Variants in LAMA2 observed in about 807,000 individuals in gnomAD.
LAMA2 encodes the protein laminin subunit alpha-2.
Under a neutral mutation model 364.8 loss-of-function variants are expected in LAMA2, and 269 were observed. The ratio of observed to expected loss-of-function variants is 0.74; its 90% CI spans 0.67 to 0.82. The LOEUF (loss-of-function observed/expected upper bound fraction) is 0.82, where lower values mean the gene tolerates loss of function less well. LAMA2 is among the 40% of genes least tolerant of loss of function. LAMA2 has a pLI of 0.00. For synonymous variants in LAMA2, 1,379 were observed against 1,370.6 expected (o/e 1.01, Z -0.14); for missense variants, 3,807 against 3,873.2 (o/e 0.98, Z 0.45).
chr6:129,486,515 G>A lies in LAMA2; in HGVS notation c.7791G>A (p.Val2597=), dbSNP rs2114848916. The A allele has an allele frequency of 8.1e-6, 13 of 1,613,822 alleles. No individual in the cohort carries two copies. The highest frequency in any genetic ancestry group is 9.3e-6 in the Non-Finnish European group (11 of 1,179,798). The stretch of plus-strand genomic sequence containing the variant: ...TCCTCAACAGGGGCCGTCTGGAAGT[G>A]CATCTCTCCACAGGGGCACGAACAA... ...AILLNRGRLE[V]HLSTGARTMR... is the part of the protein sequence containing the mutation. Residue 2597 remains valine (V), a synonymous_variant, in exon 56 of 65, where the codon GTG becomes GTA. Transcript: ENST00000421865.
At chr6:129,433,772 A>T (rs1298550589) in intron 41 of LAMA2, among the ~76,000 whole-genome samples, 1 of 152,192 alleles carries the variant, frequency 6.6e-6, no homozygotes, top group Non-Finnish European at 1.5e-5. Context: ...AATTTAAATA[A>T]AAAAGGAATA....
intron 18 of LAMA2, among the ~76,000 whole-genome samples, chr6:129,287,579 A>C (rs898975330): frequency 1.3e-5 from 2 of 152,146 alleles, no homozygotes; most frequent in African/African-American, 4.8e-5. Flanking sequence ...GCAGATTCTT[A>C]TTATGCTTTG....
At chr6:129,312,382 C>T (rs1774283186) in intron 22 of LAMA2, among the ~76,000 whole-genome samples, 1 of 152,182 alleles carries the variant, frequency 6.6e-6, no homozygotes, top group Non-Finnish European at 1.5e-5. Flanking sequence ...TGTATGTTCA[C>T]ATAGCATTTT....
chr6:129,135,159 A>T (rs1777710900), intron 4 of LAMA2, among the ~76,000 whole-genome samples: 1 of 152,172 alleles, frequency 6.6e-6, no homozygotes, highest in Non-Finnish European at 1.5e-5. Flanking sequence ...AACAGTAAAG[A>T]CTATTCCAGA....
chr6:129,158,203 A>T (rs1368787969), intron 8 of LAMA2: 1 of 1,613,768 alleles, frequency 6.2e-7, no homozygotes, highest in African/African-American at 1.3e-5. Flanking sequence ...TCAGTAATCA[A>T]ATAGAGCTGA....
chr6:129,013,029 T>C (rs1784857430), intron 1 of LAMA2, among the ~76,000 whole-genome samples: 1 of 152,228 alleles, frequency 6.6e-6, no homozygotes, highest in African/African-American at 2.4e-5. Flanking sequence ...AACTCACTTT[T>C]AGAGATAAAG....
chr6:128,979,837 CTTT>C (rs879659776), intron 1 of LAMA2, among the ~76,000 whole-genome samples: 1 of 152,186 alleles, frequency 6.6e-6, no homozygotes, highest in Admixed American at 6.5e-5. Flanking sequence ...GTGCTAATTT[CTTT>C]GAGTAATCTC....
chr6:129,100,114 T>G (rs995889773), intron 4 of LAMA2, among the ~76,000 whole-genome samples: 1 of 152,238 alleles, frequency 6.6e-6, no homozygotes, highest in African/African-American at 2.4e-5. Context: ...GTATGTAACA[T>G]GCGTGTCACA....
In LAMA2 at chr6:128,906,965, T is replaced by G. The variant is rs1777523711; in HGVS notation, c.112+23608T>G. 2.0e-5 allele frequency among the ~76,000 whole-genome samples: 3 copies of G among 151,732 alleles called. No individual in the cohort carries two copies. In the South Asian group the frequency reaches 6.2e-4, roughly 32 times the overall value. On this transcript the variant is annotated intron_variant, in intron 1 of 64. Transcript: ENST00000421865. ...AGTTGTAGATATGCAGTGTTATTTC[T>G]GAGGGCTCTGTTCTGTTCCATTGAT...
In LAMA2 at chr6:129,200,081, A is replaced by AAT. The variant is rs200726308; in HGVS notation, c.1782+7238_1782+7239dup. Among the ~76,000 whole-genome samples, 837 of 143,262 alleles carry AAT rather than the reference A, an allele frequency of 5.8e-3. 14 individuals carry two copies. Among genetic ancestry groups the AAT allele is most frequent in the African/African-American group, 0.02 (787 of 38,872 alleles). The allele number at this position is 143,262 out of a possible 152,430, so 94.0% of individuals were successfully genotyped here. On this transcript the variant is annotated intron_variant, in intron 12 of 64. Coordinates refer to ENST00000421865, the MANE Select transcript of LAMA2 (RefSeq NM_000426.4). ...GGCATAGAGCGAGACCCTCTCCAAA[A>AAT]ATATATATATACACGTGTATATGTG...
At chr6:129,334,014 A>G (rs891222396) in intron 29 of LAMA2, among the ~76,000 whole-genome samples, 3 of 152,176 alleles carry the variant, frequency 2.0e-5, no homozygotes, top group Non-Finnish European at 4.4e-5. Flanking sequence ...TTATGCTCCA[A>G]ATTTTTATAT....
intron 3 of LAMA2, among the ~76,000 whole-genome samples, chr6:129,073,332 C>T (rs1236640804): frequency 6.6e-6 from 1 of 151,990 alleles, no homozygotes; most frequent in Non-Finnish European, 1.5e-5. Context: ...CAGGGGTTTA[C>T]CACAATGTAC....
At chr6:129,084,444 A>G (rs540075772) in intron 3 of LAMA2, among the ~76,000 whole-genome samples, 1 of 152,300 alleles carries the variant, frequency 6.6e-6, no homozygotes, top group South Asian at 2.1e-4. Context: ...GTTCATGTCA[A>G]GAATATCTAC....
intron 53 of LAMA2, among the ~76,000 whole-genome samples, chr6:129,478,133 T>C (rs1036959190): frequency 6.6e-6 from 1 of 152,154 alleles, no homozygotes; most frequent in Admixed American, 6.5e-5. Flanking sequence ...TTAGACTATA[T>C]AATCCAAAAG....
At chr6:129,472,999 A>C (rs1438215181) in intron 51 of LAMA2, among the ~76,000 whole-genome samples, 1 of 151,924 alleles carries the variant, frequency 6.6e-6, no homozygotes, top group Non-Finnish European at 1.5e-5. Context: ...ACTGGTGTTC[A>C]AGCTATTATT....
intron 1 of LAMA2, among the ~76,000 whole-genome samples, chr6:128,885,444 C>T (rs528128991): frequency 3.0e-4 from 46 of 152,236 alleles, no homozygotes; most frequent in African/African-American, 1.0e-3. Context: ...AAAACACTTC[C>T]GGTATTGTTT....
In LAMA2 at chr6:129,190,211, G is replaced by A. The variant is rs1254472801; in HGVS notation, c.1474G>A (p.Val492Ile). 5.6e-6 allele frequency: 9 copies of A among 1,613,356 alleles called. No individual in the cohort carries two copies. The highest frequency in any genetic ancestry group is 7.6e-6 in the Non-Finnish European group (9 of 1,179,466). The change falls in exon 11 of 65, where the codon GTT becomes ATT. Residue 492 changes from valine to isoleucine, a missense_variant. Transcript: ENST00000421865. The stretch of plus-strand genomic sequence containing the variant: ...TACATCTCTTTATTTGCAGGAAAAT[G>A]TTGAAGGAGGAGACTGTAGTCGTTG... ...CFGPCICKENVEGGDCSRCKS... is the reference protein window; with the variant it reads ...CFGPCICKENIEGGDCSRCKS...
At chr6:129,505,132 A>C in intron 60 of LAMA2, 68 bp from the exon 61 acceptor site, 1 of 1,363,886 alleles carries the variant, frequency 7.3e-7, no homozygotes, top group South Asian at 1.2e-5. Context: ...TAGAGTCCTT[A>C]TGTCTTATAC....
intron 8 of LAMA2, among the ~76,000 whole-genome samples, chr6:129,156,507 T>C (rs1779122960): frequency 6.6e-6 from 1 of 151,460 alleles, no homozygotes; most frequent in Non-Finnish European, 1.5e-5. Context: ...TTATGCCCTA[T>C]AGCCATCCTT....
Sources: gnomAD v4.1 joint callset for allele counts (sites outside exome capture counted in the v4.1 genomes callset) on GRCh38, gnomAD v4.1.1 for gene constraint, MANE v1.5 for transcripts, NCBI Gene and HGNC (gene_info 2026-07-23, HGNC 2026-07-21) for gene names.